ATRX: variants seen among roughly 807,000 people sequenced by gnomAD.
The protein encoded by ATRX is ATRX chromatin remodeler.
Under a neutral mutation model 172.6 loss-of-function variants are expected in ATRX, and 12 were observed. The ratio of observed to expected loss-of-function variants is 0.07; its 90% CI spans 0.04 to 0.11. The LOEUF is 0.11. Ranked by LOEUF, ATRX falls within the 10% of genes least tolerant of loss-of-function variation. The probability of loss-of-function intolerance (pLI) is 1.00; values close to 1 mark genes in which losing one functional copy is unlikely to be tolerated. For synonymous variants in ATRX, 674 were observed against 594.7 expected, an observed-to-expected ratio of 1.13 and a Z score of -1.94; for missense variants, 1,368 against 1,767.4, an observed-to-expected ratio of 0.77 and a Z score of 4.05.
chrX:77,567,277 G>T (rs953138577), intron 28 of ATRX, among the ~76,000 whole-genome samples: 1 of 111,001 alleles, frequency 9.0e-6, no homozygotes, highest in African/African-American at 3.3e-5. Context: ...AATATAAACG[G>T]TCTATATACA....
chrX:77,569,175 T>C (rs2065316049), intron 28 of ATRX, among the ~76,000 whole-genome samples: 1 of 110,661 alleles, frequency 9.0e-6, no homozygotes, highest in Admixed American at 9.6e-5. Context: ...GCTAACATCA[T>C]AGTTAATGAA....
At chrX:77,523,503 T>C (rs2063294584) in intron 30 of ATRX, 102 bp from the exon 31 acceptor site, 10 of 831,929 alleles carry the variant, frequency 1.2e-5, no homozygotes, top group Non-Finnish European at 1.7e-5. Context: ...TAAAACCTGA[T>C]TGCTATATAT....
intron 1 of ATRX, among the ~76,000 whole-genome samples, chrX:77,744,091 G>A (rs1322185106): frequency 8.9e-6 from 1 of 112,373 alleles, no homozygotes; most frequent in African/African-American, 3.2e-5. Context: ...CAAGGAGAGA[G>A]GATTGCTTGA....
At chrX:77,512,407 A>C (rs1480648423) in intron 34 of ATRX, among the ~76,000 whole-genome samples, 4 of 112,439 alleles carry the variant, frequency 3.6e-5, no homozygotes, top group Non-Finnish European at 7.5e-5. Context: ...TGAAGGTATA[A>C]AACTCACTGG....
rs782656211 is a variant in ATRX at position 77,696,596 on chromosome X, A to G, written c.351T>C (p.Thr117=). 1.1e-5 allele frequency: 13 copies of G among 1,207,044 alleles called. No individual in the cohort carries two copies. The South Asian group carries it at 2.3e-4, about 21-fold the overall frequency. ...ASNENSENDI[T]MQSLPKGTVI... is the part of the protein sequence containing the mutation. Reference sequence around the variant, plus strand: ...CATTACCTTTTGGCAAGCTCTGCATAGTAATATCATTTTCTGAATTTTCAT... The same window carrying G: ...CATTACCTTTTGGCAAGCTCTGCATGGTAATATCATTTTCTGAATTTTCAT... The change falls in exon 5 of 35, where the codon ACT becomes ACC. Residue 117 remains threonine, a synonymous_variant. Coordinates refer to ENST00000373344, the MANE Select transcript of ATRX (RefSeq NM_000489.6).
At chrX:77,690,338 G>T (rs1230292789) in intron 6 of ATRX, among the ~76,000 whole-genome samples, 4 of 112,385 alleles carry the variant, frequency 3.6e-5, no homozygotes, top group Non-Finnish European at 5.6e-5. Flanking sequence ...AAAATGCTGG[G>T]ATTACAGGTG....
At chrX:77,690,823 T>G (rs2071842373) in intron 6 of ATRX, 2 of 112,535 alleles carry the variant, frequency 1.8e-5, no homozygotes, top group African/African-American at 6.5e-5. Context: ...CTATGTGCTT[T>G]GGTGCATACA....
intron 30 of ATRX, among the ~76,000 whole-genome samples, chrX:77,549,300 A>T (rs1473956070): frequency 1.8e-5 from 2 of 111,694 alleles, no homozygotes; most frequent in Non-Finnish European, 3.8e-5. Context: ...CACGAGAATC[A>T]CTTGAACCCC....
rs782218172 is a variant in ATRX at position 77,700,976 on chromosome X, T to C, written c.134-2347A>G. Among the ~76,000 whole-genome samples the C allele has an allele frequency of 3.5e-5, 4 of 112,757 alleles. No homozygotes were observed. The South Asian group carries it at 1.4e-3, about 41-fold the overall frequency. On this transcript the variant is annotated intron_variant, in intron 2 of 34. Transcript: ENST00000373344. Reference sequence around the variant, plus strand: ...CCACAATGGTGAATGCAGGTCATTATATATTTGTCAAAAATCTTTAAAATG... The same window carrying C: ...CCACAATGGTGAATGCAGGTCATTACATATTTGTCAAAAATCTTTAAAATG...
intron 17 of ATRX, among the ~76,000 whole-genome samples, chrX:77,634,232 TAAAAAAAAAA>T (rs144290953): frequency 7.0e-4 from 38 of 54,070 alleles, no homozygotes; most frequent in South Asian, 1.5e-3. Context: ...TTAAAAGTTG[TAAAAAAAAAA>T]AAAAAAAAAA....
At chrX:77,686,930 G>C (rs782345182) in intron 7 of ATRX, among the ~76,000 whole-genome samples, 1 of 108,444 alleles carries the variant, frequency 9.2e-6, no homozygotes, top group East Asian at 2.9e-4. Context: ...GAGATGGGTG[G>C]ATCACTTGAG....
intron 1 of ATRX, among the ~76,000 whole-genome samples, chrX:77,766,228 G>T (rs1194016487): frequency 8.9e-5 from 10 of 112,914 alleles, no homozygotes; most frequent in Non-Finnish European, 1.3e-4. Context: ...CGGGGTGGTG[G>T]CCGGGCAGAG....
In ATRX at chrX:77,654,206, G is replaced by A. The variant is rs375091964; in HGVS notation, c.4215-6C>T. On this transcript the variant is annotated splice_region_variant and splice_polypyrimidine_tract_variant and intron_variant, in intron 13 of 34. Coordinates refer to ENST00000373344, the MANE Select transcript of ATRX (RefSeq NM_000489.6). ...ACTCTGCTTTCTTTGCAGACCTGAC[G>A]AAAATTTAAAACACAAAATAAAATA... 18 of 1,181,828 alleles carry A rather than the reference G, an allele frequency of 1.5e-5. No individual in the cohort carries two copies. The African/African-American group carries it at 1.9e-4, about 13-fold the overall frequency.
rs782525976 is a variant in ATRX at position 77,508,514 on chromosome X, G to C, written c.7316C>G (p.Pro2439Arg). 4.1e-6 allele frequency: 5 copies of C among 1,211,442 alleles called. 1 individual carries two copies. In the Admixed American group the frequency reaches 1.1e-4, roughly 26 times the overall value. Residue 2439 changes from proline (P) to arginine (R), a missense_variant, in exon 35 of 35, where the codon CCA becomes CGA. Pro to Arg is a moderately radical substitution (Grantham distance 103). Transcript: ENST00000373344. ...ATTCATGATCAAATTTGGGGGCTTT[G>C]GCATCATGAGGTGACCCAGTGTTGC... ...QQATLGHLMM[P>R]KPPNLIMNPS...
At chrX:77,751,185 AG>A (rs1557187441) in intron 1 of ATRX, among the ~76,000 whole-genome samples, 1 of 112,345 alleles carries the variant, frequency 8.9e-6, no homozygotes, top group Non-Finnish European at 1.9e-5. Flanking sequence ...CATCCTCTCC[AG>A]CATCTGTTGT....
At chrX:77,541,643 C>A (rs1313206159) in intron 30 of ATRX, among the ~76,000 whole-genome samples, 1 of 111,862 alleles carries the variant, frequency 8.9e-6, no homozygotes. Flanking sequence ...TTCATCCCTG[C>A]AATACATGGC....
intron 30 of ATRX, among the ~76,000 whole-genome samples, chrX:77,535,901 T>G (rs1201261378): frequency 8.6e-5 from 9 of 105,008 alleles, no homozygotes; most frequent in Non-Finnish European, 2.0e-5. Context: ...TTTTTTGTGT[T>G]TTTTTTTTTT....
intron 1 of ATRX, among the ~76,000 whole-genome samples, chrX:77,779,091 A>ATT (rs1169146207): frequency 2.0e-3 from 128 of 62,735 alleles, no homozygotes; most frequent in Non-Finnish European, 2.1e-3. Flanking sequence ...CCATGCCCGG[A>ATT]TTTTTTTTTT....
At chrX:77,598,316 AAAAC>A (rs1214652513) in intron 25 of ATRX, among the ~76,000 whole-genome samples, 1 of 111,191 alleles carries the variant, frequency 9.0e-6, no homozygotes, top group Admixed American at 9.6e-5. Flanking sequence ...CAAAGACTGA[AAAAC>A]TAACTACTGA....
Sources: allele counts gnomAD v4.1 joint callset (sites outside exome capture counted in the v4.1 genomes callset), GRCh38; gene constraint gnomAD v4.1.1; transcripts MANE v1.5; gene names NCBI Gene and HGNC (gene_info 2026-07-23, HGNC 2026-07-21).